The following CACNA2D2 variants were observed in gnomAD, a reference collection of about 807,000 sequenced individuals.
The protein encoded by CACNA2D2 is calcium voltage-gated channel auxiliary subunit alpha2delta 2.
A neutral mutation model predicts 166.4 loss-of-function variants in CACNA2D2; 48 were observed. The ratio of observed to expected loss-of-function variants is 0.29; its 90% confidence interval spans 0.23 to 0.37. The LOEUF (loss-of-function observed/expected upper bound fraction) is 0.37. Ranked by LOEUF, CACNA2D2 falls within the 10% of genes least tolerant of loss-of-function variation. The pLI is 1.00. For missense variants in CACNA2D2, 1,122 were observed against 1,433.0 expected, an observed-to-expected ratio of 0.78 and a Z score of 3.50; for synonymous variants, 561 against 573.7, an observed-to-expected ratio of 0.98 and a Z score of 0.32.
Position 50,365,704 on chromosome 3 carries a change from A to G in CACNA2D2, c.2916-16T>C. The G allele has an allele frequency of 6.3e-7, 1 of 1,593,244 alleles. No individual in the cohort carries two copies. Among genetic ancestry groups the G allele is most frequent in the Non-Finnish European group, 8.5e-7 (1 of 1,170,258 alleles). ...GAACAGGGACCTGCAGCGCACGGGGAGCCGAGTGCAGGTGGTCAGCAGAGG... is the reference window on the plus strand; with the variant it reads ...GAACAGGGACCTGCAGCGCACGGGGGGCCGAGTGCAGGTGGTCAGCAGAGG... On this transcript the variant is annotated splice_polypyrimidine_tract_variant and intron_variant, in intron 33 of 37. Coordinates refer to ENST00000424201, the MANE Select transcript of CACNA2D2 (RefSeq NM_006030.4). The surrounding 1 kb of genome is among the most constrained non-coding windows in gnomAD (Gnocchi z 4.5).
At chr3:50,460,650 C>T (rs1229482829) in intron 2 of CACNA2D2, among the ~76,000 whole-genome samples, 2 of 151,876 alleles carry the variant, frequency 1.3e-5, no homozygotes, top group African/African-American at 4.8e-5. Flanking sequence ...GTCAGGAGAT[C>T]GAGACCATCC....
intron 22 of CACNA2D2, chr3:50,373,177 C>A: frequency 9.8e-7 from 1 of 1,022,140 alleles, no homozygotes; most frequent in Non-Finnish European, 1.4e-6. Flanking sequence ...GGGAGGGGCA[C>A]AAACAATATT....
chr3:50,460,380 T>C (rs988283038), intron 2 of CACNA2D2, among the ~76,000 whole-genome samples: 2 of 152,260 alleles, frequency 1.3e-5, no homozygotes, highest in Non-Finnish European at 2.9e-5. Flanking sequence ...AGGGAATTTA[T>C]GTACTATTTT....
intron 3 of CACNA2D2, among the ~76,000 whole-genome samples, chr3:50,412,770 G>A (rs1707079533): frequency 6.6e-6 from 1 of 152,190 alleles, no homozygotes; most frequent in Non-Finnish European, 1.5e-5. Context: ...GAAAACAGTA[G>A]CAATTTTCTT....
chr3:50,485,718 C>A (rs1161858372), intron 1 of CACNA2D2, among the ~76,000 whole-genome samples: 1 of 152,220 alleles, frequency 6.6e-6, no homozygotes, highest in Admixed American at 6.5e-5. Context: ...GAACCCTTTC[C>A]TGAGGCCAGG....
chr3:50,390,074 T>C (rs2106713456), intron 4 of CACNA2D2, among the ~76,000 whole-genome samples: 1 of 152,162 alleles, frequency 6.6e-6, no homozygotes. Context: ...TACCTGAATG[T>C]CTATCAGCAG....
Position 50,364,791 on chromosome 3 carries a change from A to C in CACNA2D2, c.3307T>G (p.Cys1103Gly). The C allele has an allele frequency of 6.2e-7, 1 of 1,607,702 alleles. No individual in the cohort carries two copies. The highest frequency in any genetic ancestry group is 8.5e-7 in the Non-Finnish European group (1 of 1,177,552). The change falls in exon 38 of 38, where the codon TGT becomes GGT. Residue 1103 changes from cysteine (C) to glycine (G), a missense_variant. Cys to Gly is a radical substitution (Grantham distance 159, BLOSUM62 -3). This residue lies in a region of CACNA2D2 where 282 missense variants were observed against 266.2 expected (regional missense o/e 1.06). Coordinates refer to ENST00000424201, the MANE Select transcript of CACNA2D2 (RefSeq NM_006030.4). ...DYNATEDTSD[C>G]GRGASFPPSL... Reference sequence around the variant, plus strand: ...GGCGGGAAGGAGGCCCCGCGGCCACAGTCTGAGGTATCTTCCTGCGGGGAG... The same window carrying C: ...GGCGGGAAGGAGGCCCCGCGGCCACCGTCTGAGGTATCTTCCTGCGGGGAG...
At chr3:50,428,783 C>T (rs908218541) in intron 3 of CACNA2D2, among the ~76,000 whole-genome samples, 6 of 152,196 alleles carry the variant, frequency 3.9e-5, no homozygotes, top group Admixed American at 3.9e-4. Context: ...AGAGAGCAAG[C>T]CCCTGTCAGA....
chr3:50,465,981 G>A (rs1023009856), intron 2 of CACNA2D2, among the ~76,000 whole-genome samples: 8 of 152,172 alleles, frequency 5.3e-5, no homozygotes, highest in Non-Finnish European at 8.8e-5. Flanking sequence ...CCCGGGACCT[G>A]GAAATGAGGC....
intron 2 of CACNA2D2, among the ~76,000 whole-genome samples, chr3:50,456,937 A>G (rs1709382331): frequency 6.6e-6 from 1 of 152,158 alleles, no homozygotes; most frequent in African/African-American, 2.4e-5. Flanking sequence ...TCACTAGTGG[A>G]ATGAAGCCCC....
chr3:50,397,205 T>C (rs528527907), intron 3 of CACNA2D2, among the ~76,000 whole-genome samples: 1 of 152,372 alleles, frequency 6.6e-6, no homozygotes, highest in Admixed American at 6.5e-5. Flanking sequence ...GTCAGCCCAC[T>C]GACTCGTGAA....
intron 1 of CACNA2D2, among the ~76,000 whole-genome samples, chr3:50,489,615 A>AACTGGGGCTGGG (rs1698437735): frequency 8.5e-6 from 1 of 117,802 alleles, no homozygotes; most frequent in Non-Finnish European, 1.6e-5. Context: ...GAGCCTCCAA[A>AACTGGGGCTGGG]ACTGGGGCTG....
At position 50,376,093 on chromosome 3, in the gene CACNA2D2, C is replaced by CA. The variant is rs1347627276; in HGVS notation, c.1701+20dup. ...CATTGTGGAAGGTTTGCCCACCCTC[C>CA]AGGCCACCCGTCTGGCTCACCTGGG... On this transcript the variant is annotated intron_variant, in intron 18 of 37. Transcript: ENST00000424201. The surrounding 1 kb of genome is among the most constrained non-coding windows in gnomAD (Gnocchi z 4.3). 5.0e-6 allele frequency: 8 copies of CA among 1,613,266 alleles called. No individual in the cohort carries two copies. The highest frequency in any genetic ancestry group is 3.3e-5 in the Admixed American group (2 of 60,006).
At chr3:50,450,171 C>T (rs2106951585) in intron 2 of CACNA2D2, among the ~76,000 whole-genome samples, 1 of 152,354 alleles carries the variant, frequency 6.6e-6, no homozygotes, top group Non-Finnish European at 1.5e-5. Context: ...TACAGCCCCA[C>T]CTTCCATGCA....
At position 50,450,056 on chromosome 3, in the gene CACNA2D2, A is replaced by G. The variant is rs114541445; in HGVS notation, c.289-15627T>C. 9.4e-3 allele frequency among the ~76,000 whole-genome samples: 1,439 copies of G among 152,300 alleles called. 11 individuals carry two copies. Among genetic ancestry groups the G allele is most frequent in the Non-Finnish European group, 0.015 (998 of 68,006 alleles). On this transcript the variant is annotated intron_variant, in intron 2 of 37. Coordinates refer to ENST00000424201, the MANE Select transcript of CACNA2D2 (RefSeq NM_006030.4). Reference sequence around the variant, plus strand: ...AGAGTTTGTGAGCCCCAAGCCACAGAAGGGGGCAAGCTAAAGGTGGCCCCC... The same window carrying G: ...AGAGTTTGTGAGCCCCAAGCCACAGGAGGGGGCAAGCTAAAGGTGGCCCCC...
At chr3:50,436,885 C>T (rs1017370008) in intron 2 of CACNA2D2, among the ~76,000 whole-genome samples, 1 of 152,246 alleles carries the variant, frequency 6.6e-6, no homozygotes, top group Non-Finnish European at 1.5e-5. Context: ...CAGTCTCCCA[C>T]ACTGAGCCAC....
rs921847501 is a variant in CACNA2D2, at chr3:50,364,294, G to A, written c.*372C>T. 7.9e-6 allele frequency: 2 copies of A among 253,226 alleles called. No individual in the cohort carries two copies. The highest frequency in any genetic ancestry group is 7.6e-6 in the Non-Finnish European group (1 of 132,398). The allele number at this position is 253,226 out of a possible 1,614,324, so 15.7% of individuals were successfully genotyped here. On this transcript the variant is annotated 3_prime_UTR_variant, in exon 38 of 38. Transcript: ENST00000424201. ...GTTTGGGCTTGGGTGGGGCAGAGAGGCCGGGTCAGCTGAGGCAGGGTCCCC... is the reference window on the plus strand; with the variant it reads ...GTTTGGGCTTGGGTGGGGCAGAGAGACCGGGTCAGCTGAGGCAGGGTCCCC...
rs1256898980 is a variant in CACNA2D2 at position 50,365,313 on chromosome 3, C to T, written c.3098+43G>A. 1 of 1,605,718 alleles carries T rather than the reference C, an allele frequency of 6.2e-7. No homozygotes were observed. The highest frequency in any genetic ancestry group is 2.2e-5 in the East Asian group (1 of 44,682). ...CCTCCCGAGCGTCTCGCCCCGCTCA[C>T]AGGTTCCGCCCTTGGCCTCTGGTCC... is the stretch of plus-strand genomic sequence containing the variant. On this transcript the variant is annotated intron_variant, in intron 35 of 37. Coordinates refer to ENST00000424201, the MANE Select transcript of CACNA2D2 (RefSeq NM_006030.4). The surrounding 1 kb of genome is among the most constrained non-coding windows in gnomAD (Gnocchi z 4.5).
At chr3:50,413,072 A>G (rs1197670776) in intron 3 of CACNA2D2, among the ~76,000 whole-genome samples, 1 of 152,136 alleles carries the variant, frequency 6.6e-6, no homozygotes, top group Non-Finnish European at 1.5e-5. Flanking sequence ...GTCTAGAGCT[A>G]GGGCCCCAGG....
Sources: gnomAD v4.1 joint callset for allele counts (sites outside exome capture counted in the v4.1 genomes callset) on GRCh38, gnomAD v4.1.1 for gene constraint, gnomAD v4.1.1 regional missense constraint, Gnocchi (gnomAD v3.1) non-coding constraint, MANE v1.5 for transcripts, NCBI Gene and HGNC (gene_info 2026-07-23, HGNC 2026-07-21) for gene names.